MARCHF1: variants seen among roughly 807,000 people sequenced by gnomAD.
The protein encoded by MARCHF1 is membrane associated ring-CH-type finger 1, also known as E3 ubiquitin-protein ligase MARCHF1.
Under a neutral mutation model 54.2 loss-of-function variants are expected in MARCHF1, and 40 were observed. The ratio of observed to expected loss-of-function variants is 0.74; its 90% CI spans 0.57 to 0.96. The LOEUF (loss-of-function observed/expected upper bound fraction) is 0.96. MARCHF1 is among the 40% of genes least tolerant of loss of function. MARCHF1 has a pLI of 0.00. For missense variants in MARCHF1, 586 were observed against 656.5 expected (o/e 0.89, Z 1.17); for synonymous variants, 236 against 236.3 (o/e 1.00, Z 0.01).
At chr4:163,538,630 T>C (rs1195042038) in intron 9 of MARCHF1, among the ~76,000 whole-genome samples, 1 of 152,194 alleles carries the variant, frequency 6.6e-6, no homozygotes, top group Non-Finnish European at 1.5e-5. Flanking sequence ...CAAGAGTAGT[T>C]TTCCTGTGCA....
chr4:164,154,200 C>T (rs1023118581), intron 1 of MARCHF1, among the ~76,000 whole-genome samples: 5 of 150,446 alleles, frequency 3.3e-5, no homozygotes, highest in African/African-American at 1.0e-4. Context: ...AAATATCTTG[C>T]CATTTGCCAT....
At chr4:163,796,058 G>A (rs779781332) in intron 4 of MARCHF1, among the ~76,000 whole-genome samples, 1 of 151,972 alleles carries the variant, frequency 6.6e-6, no homozygotes, top group Non-Finnish European at 1.5e-5. Flanking sequence ...GGAAGAGGAG[G>A]AGCAAAAAGA....
chr4:163,713,344 A>C (rs1219848990), intron 4 of MARCHF1, among the ~76,000 whole-genome samples: 3 of 152,158 alleles, frequency 2.0e-5, no homozygotes, highest in Non-Finnish European at 2.9e-5. Context: ...TAAATAAAAA[A>C]TTTGCCATAA....
chr4:164,068,742 G>T (rs1011812246), intron 2 of MARCHF1, among the ~76,000 whole-genome samples: 1 of 152,168 alleles, frequency 6.6e-6, no homozygotes, highest in Non-Finnish European at 1.5e-5. Context: ...GAGTGAGGGC[G>T]CACAGCGTGG....
intron 3 of MARCHF1, among the ~76,000 whole-genome samples, chr4:163,930,747 T>C (rs1751654361): frequency 1.3e-5 from 2 of 152,148 alleles, no homozygotes; most frequent in South Asian, 2.1e-4. Flanking sequence ...ATGATTTAGA[T>C]GATATTTTTG....
chr4:164,161,545 TCAGCAG>T (rs36007870), intron 1 of MARCHF1, among the ~76,000 whole-genome samples: 17 of 150,788 alleles, frequency 1.1e-4, no homozygotes, highest in Non-Finnish European at 2.1e-4. Context: ...ATCATCATCA[TCAGCAG>T]CAGCAGCAGC....
chr4:163,794,245 A>T (rs1011546774), intron 4 of MARCHF1, among the ~76,000 whole-genome samples: 1 of 152,192 alleles, frequency 6.6e-6, no homozygotes, highest in African/African-American at 2.4e-5. Context: ...TACTGAAATT[A>T]TGTATGTTCC....
chr4:163,701,943 C>T (rs938425467), intron 4 of MARCHF1, among the ~76,000 whole-genome samples: 3 of 151,800 alleles, frequency 2.0e-5, no homozygotes, highest in African/African-American at 4.8e-5. Flanking sequence ...TATAACAACC[C>T]GTGGGGCTGA....
At chr4:163,679,486 T>G (rs1383614139) in intron 5 of MARCHF1, among the ~76,000 whole-genome samples, 2 of 152,104 alleles carry the variant, frequency 1.3e-5, no homozygotes, top group Non-Finnish European at 2.9e-5. Context: ...CTCCTCAAAC[T>G]CCAGAGTCTT....
chr4:163,672,651 A>C (rs1375668105), intron 5 of MARCHF1, among the ~76,000 whole-genome samples: 2 of 152,140 alleles, frequency 1.3e-5, no homozygotes, highest in Non-Finnish European at 2.9e-5. Context: ...TACCATTGAA[A>C]ACTATATTTT....
chr4:164,165,517 T>A (rs1162219345), intron 1 of MARCHF1, among the ~76,000 whole-genome samples: 1 of 151,958 alleles, frequency 6.6e-6, no homozygotes, highest in Admixed American at 6.6e-5. Flanking sequence ...TCCAAAATTA[T>A]GAGTAAATAA....
intron 4 of MARCHF1, among the ~76,000 whole-genome samples, chr4:163,709,460 T>C (rs12510367): frequency 0.35 from 52,816 of 152,048 alleles, 10,747 homozygotes; most frequent in Non-Finnish European, 0.47. Context: ...ACTTGTTTTT[T>C]ATAATCTTTT....
At chr4:163,814,538 C>T (rs1375334837) in intron 4 of MARCHF1, among the ~76,000 whole-genome samples, 1 of 152,124 alleles carries the variant, frequency 6.6e-6, no homozygotes, top group Non-Finnish European at 1.5e-5. Flanking sequence ...GAGCCGAGAT[C>T]AAGCCATTGC....
chr4:164,281,100 T>C (rs1734014492), intron 1 of MARCHF1, among the ~76,000 whole-genome samples: 2 of 152,230 alleles, frequency 1.3e-5, no homozygotes, highest in South Asian at 4.1e-4. Context: ...TGTATTCTTA[T>C]ATCTGTTAGA....
At chr4:164,297,518 G>A (rs1196933751) in intron 1 of MARCHF1, among the ~76,000 whole-genome samples, 1 of 152,132 alleles carries the variant, frequency 6.6e-6, no homozygotes, top group Non-Finnish European at 1.5e-5. Flanking sequence ...CCTCAAAGCT[G>A]TAAAGGTTGT....
chr4:163,827,663 C>T (rs949419793), intron 4 of MARCHF1, among the ~76,000 whole-genome samples: 4 of 152,076 alleles, frequency 2.6e-5, no homozygotes, highest in African/African-American at 9.7e-5. Flanking sequence ...GTCCTTTCCA[C>T]TTATTGCAGT....
chr4:164,317,303 G>A (rs1735025331), intron 1 of MARCHF1, among the ~76,000 whole-genome samples: 2 of 152,076 alleles, frequency 1.3e-5, no homozygotes, highest in Admixed American at 6.6e-5. Context: ...TAAAATAACC[G>A]TTGCTTAAAC....
intron 1 of MARCHF1, among the ~76,000 whole-genome samples, chr4:164,244,349 G>A (rs1159098283): frequency 6.6e-6 from 1 of 152,160 alleles, no homozygotes; most frequent in Non-Finnish European, 1.5e-5. Context: ...ACCTGCTCCT[G>A]AATGACTACT....
chr4:164,205,728 TA>T lies in MARCHF1; in HGVS notation c.-322-94067del, dbSNP rs557433360. Among the ~76,000 whole-genome samples the T allele has an allele frequency of 2.8e-3, 410 of 147,760 alleles. 1 individual carries two copies. Among genetic ancestry groups the T allele is most frequent in the African/African-American group, 7.7e-3 (312 of 40,510 alleles). On this transcript the variant is annotated intron_variant, in intron 1 of 9. Coordinates refer to ENST00000514618, the MANE Select transcript of MARCHF1 (RefSeq NM_001394959.1). ...CAAGGTTGAGCCACAGTTGTCTATT[TA>T]AAAAAAAAAAATTTCTCTAACTATT...
Sources: gnomAD v4.1 joint callset for allele counts (sites outside exome capture counted in the v4.1 genomes callset) on GRCh38, gnomAD v4.1.1 for gene constraint, MANE v1.5 for transcripts, NCBI Gene and HGNC (gene_info 2026-07-23, HGNC 2026-07-21) for gene names.